ASXL2: variants seen among roughly 807,000 people sequenced by gnomAD.
ASXL2 encodes the protein putative Polycomb group protein ASXL2.
A neutral mutation model predicts 122.0 loss-of-function variants in ASXL2; 23 were observed. That is an observed-to-expected ratio of 0.19 (90% confidence interval 0.14 to 0.27). The LOEUF (loss-of-function observed/expected upper bound fraction) is 0.27, where lower values mean the gene tolerates loss of function less well. Ranked by LOEUF, ASXL2 falls within the 10% of genes least tolerant of loss-of-function variation. The pLI is 1.00. For synonymous variants in ASXL2, 650 were observed against 637.0 expected (o/e 1.02, Z -0.31); for missense variants, 1,518 against 1,713.8 (o/e 0.89, Z 2.02).
At chr2:25,800,412 T>C (rs1025749345) in intron 4 of ASXL2, among the ~76,000 whole-genome samples, 1 of 152,164 alleles carries the variant, frequency 6.6e-6, no homozygotes, top group Non-Finnish European at 1.5e-5. Context: ...TAAGAGATAG[T>C]GCATTATTTG....
chr2:25,827,213 G>A (rs947098687), intron 3 of ASXL2, among the ~76,000 whole-genome samples: 5 of 151,904 alleles, frequency 3.3e-5, no homozygotes, highest in Admixed American at 2.0e-4. Context: ...TATCCACTTA[G>A]ACATATATCT....
intron 6 of ASXL2, among the ~76,000 whole-genome samples, chr2:25,769,180 G>T (rs963458836): frequency 1.3e-5 from 2 of 151,818 alleles, no homozygotes; most frequent in Admixed American, 6.6e-5. Context: ...AGCATTTTTT[G>T]GAACTTAAAA....
At position 25,799,486 on chromosome 2, in the gene ASXL2, C is replaced by T. The variant is rs1304362773; in HGVS notation, c.302G>A (p.Ser101Asn). ...CTGGGAATCTGACTGACCATCACTG[C>T]TTTCTTCTGAACCTTCTGACAGCTC... Reference protein sequence around the residue: ...VKELSEGSEESSDGQSDSQSS... With the variant: ...VKELSEGSEENSDGQSDSQSS... The change falls in exon 5 of 13, where the codon AGC becomes AAC. Residue 101 changes from serine to asparagine, a missense_variant. By Grantham distance (46) the Ser-to-Asn change is conservative. Transcript: ENST00000435504. 14 of 1,613,976 alleles carry T rather than the reference C, an allele frequency of 8.7e-6. No individual in the cohort carries two copies. The highest frequency in any genetic ancestry group is 1.1e-5 in the Non-Finnish European group (13 of 1,179,876).
At position 25,819,800 on chromosome 2, in the gene ASXL2, A is replaced by G. The variant is rs187084717; in HGVS notation, c.144-13463T>C. 1.7e-3 allele frequency among the ~76,000 whole-genome samples: 261 copies of G among 152,372 alleles called. 1 individual carries two copies. The highest frequency in any genetic ancestry group is 0.01 in the Middle Eastern group (3 of 294). On this transcript the variant is annotated intron_variant, in intron 3 of 12. Coordinates refer to ENST00000435504, the MANE Select transcript of ASXL2 (RefSeq NM_018263.6). Reference sequence around the variant, plus strand: ...CCAAATCTGGATAAAGTCTGATTAGATAATATTGTGCCAATGTAGATTTCC... The same window carrying G: ...CCAAATCTGGATAAAGTCTGATTAGGTAATATTGTGCCAATGTAGATTTCC...
At chr2:25,751,535 G>A in intron 11 of ASXL2, among the ~76,000 whole-genome samples, 1 of 152,020 alleles carries the variant, frequency 6.6e-6, no homozygotes, top group Non-Finnish European at 1.5e-5. Context: ...TCAGGAGGCT[G>A]AGGTGGAAGG....
chr2:25,816,884 G>C (rs1306537110), intron 3 of ASXL2, among the ~76,000 whole-genome samples: 1 of 152,182 alleles, frequency 6.6e-6, no homozygotes, highest in Non-Finnish European at 1.5e-5. Context: ...CAACACTTTG[G>C]GAGGCCGAGG....
intron 2 of ASXL2, among the ~76,000 whole-genome samples, chr2:25,837,898 C>G (rs1338365889): frequency 6.9e-6 from 1 of 145,022 alleles, no homozygotes; most frequent in Non-Finnish European, 1.5e-5. Flanking sequence ...AGGCAGACCA[C>G]TTGAGTCCAG....
rs760767582 is a variant in ASXL2, at chr2:25,744,799, T to C, written c.1861-323A>G. 6.6e-6 allele frequency among the ~76,000 whole-genome samples: 1 copy of C among 152,178 alleles called. No homozygotes were observed. The highest frequency in any genetic ancestry group is 1.5e-5 in the Non-Finnish European group (1 of 68,032). ...TTATGATACAAAGTTTTCTATGGTA[T>C]TTGCATTTTTAAAAAGTGTATTTAT... On this transcript the variant is annotated intron_variant, in intron 12 of 12. Transcript: ENST00000435504. The surrounding 1 kb of genome is among the most constrained non-coding windows in gnomAD (Gnocchi z 4.7).
chr2:25,874,457 C>T (rs1251976517), intron 1 of ASXL2, among the ~76,000 whole-genome samples: 2 of 151,260 alleles, frequency 1.3e-5, no homozygotes, highest in Non-Finnish European at 2.9e-5. Flanking sequence ...CCACTGCATT[C>T]CAGCCTGGGC....
chr2:25,768,953 A>AAATGATTCTT, intron 6 of ASXL2, 85 bp from the exon 7 acceptor site: 5 of 1,422,528 alleles, frequency 3.5e-6, no homozygotes, highest in Non-Finnish European at 4.7e-6. Flanking sequence ...AAATGGCAAG[A>AAATGATTCTT]AGCATGCTGA....
chr2:25,743,405 T>C lies in ASXL2; in HGVS notation c.2932A>G (p.Lys978Glu). ...TCTTTTGCAGTCAGTGGAACCGTTT[T>C]CATTTCAACTTTGGTGAGAGGTTTA... ...LPKPLTKVEM[K>E]TVPLTAKEER... Residue 978 changes from lysine to glutamate, a missense_variant, in exon 13 of 13, where the codon AAA (lysine) becomes GAA (glutamate). Around this residue, in one of 8 missense-constraint regions of ASXL2, gnomAD observed 831 missense variants for 833.1 expected, o/e 1.00. Coordinates refer to ENST00000435504, the MANE Select transcript of ASXL2 (RefSeq NM_018263.6). The C allele has an allele frequency of 2.5e-6, 4 of 1,613,854 alleles. No individual in the cohort carries two copies. The East Asian group carries it at 8.9e-5, about 36-fold the overall frequency.
chr2:25,774,725 G>A (rs189504004), intron 5 of ASXL2, among the ~76,000 whole-genome samples: 43 of 152,306 alleles, frequency 2.8e-4, no homozygotes, highest in Admixed American at 2.2e-3. Flanking sequence ...ATGTAGTAGC[G>A]GAATTGTGTT....
At chr2:25,836,555 G>C (rs1266234296) in intron 2 of ASXL2, among the ~76,000 whole-genome samples, 2 of 152,118 alleles carry the variant, frequency 1.3e-5, no homozygotes, top group Non-Finnish European at 2.9e-5. Context: ...CTTAAATACT[G>C]TATGAAAGAG....
Position 25,827,919 on chromosome 2 carries a change from T to A in ASXL2, c.143+7619A>T, listed in dbSNP as rs2089397927. Among the ~76,000 whole-genome samples, 3 of 152,272 alleles carry A rather than the reference T, an allele frequency of 2.0e-5. No individual in the cohort carries two copies. The South Asian group carries it at 6.2e-4, about 32-fold the overall frequency. On this transcript the variant is annotated intron_variant, in intron 3 of 12. Coordinates refer to ENST00000435504, the MANE Select transcript of ASXL2 (RefSeq NM_018263.6). ...TTTTTTGTTGTTGTTTGCTTTACCT[T>A]ACCGTTAACACCTAACTATAAACCT... is the stretch of plus-strand genomic sequence containing the variant.
At chr2:25,797,072 G>GA (rs536673525) in intron 5 of ASXL2, among the ~76,000 whole-genome samples, 67 of 152,200 alleles carry the variant, frequency 4.4e-4, no homozygotes, top group African/African-American at 1.5e-3. Flanking sequence ...GTTCACAAAA[G>GA]AAAAAATGTG....
chr2:25,754,167 G>A (rs2088093355), intron 10 of ASXL2, among the ~76,000 whole-genome samples: 1 of 151,752 alleles, frequency 6.6e-6, no homozygotes, highest in Admixed American at 6.6e-5. Flanking sequence ...TTTTCTAATT[G>A]TTCCACAAAT....
chr2:25,774,240 T>A (rs1011136791), intron 5 of ASXL2, among the ~76,000 whole-genome samples: 2 of 152,016 alleles, frequency 1.3e-5, no homozygotes, highest in Admixed American at 6.6e-5. Context: ...AACCTGCACA[T>A]GTACCCCGAA....
intron 1 of ASXL2, among the ~76,000 whole-genome samples, chr2:25,874,687 CG>C (rs2089996878): frequency 6.6e-6 from 1 of 152,180 alleles, no homozygotes; most frequent in Non-Finnish European, 1.5e-5. Flanking sequence ...TCAATATCCC[CG>C]GTTAGCTACA....
intron 1 of ASXL2, among the ~76,000 whole-genome samples, chr2:25,867,237 A>T (rs998228909): frequency 6.6e-6 from 1 of 151,040 alleles, no homozygotes; most frequent in Non-Finnish European, 1.5e-5. Context: ...GGTTCTATCT[A>T]AAAAAAAATG....
Sources: gnomAD v4.1 joint callset for allele counts (sites outside exome capture counted in the v4.1 genomes callset) on GRCh38, gnomAD v4.1.1 for gene constraint, gnomAD v4.1.1 regional missense constraint, Gnocchi (gnomAD v3.1) non-coding constraint, MANE v1.5 for transcripts, NCBI Gene and HGNC (gene_info 2026-07-23, HGNC 2026-07-21) for gene names.